The following ABTB2 variants were observed in gnomAD, a reference collection of about 807,000 sequenced individuals.
The protein encoded by ABTB2 is ankyrin repeat and BTB domain containing 2, also known as ankyrin repeat and BTB/POZ domain-containing protein 2.
In ABTB2, 56 loss-of-function variants were observed where a neutral mutation model predicts 104.1. That is an observed-to-expected ratio of 0.54 (90% CI 0.43 to 0.67). ABTB2 has a LOEUF of 0.67. Among genes scored for constraint, ABTB2 ranks in the 30% least tolerant of loss-of-function variants. ABTB2 has a pLI of 0.00. For synonymous variants in ABTB2, 606 were observed against 608.2 expected, an observed-to-expected ratio of 1.00 and a Z score of 0.05; for missense variants, 1,279 against 1,407.7, an observed-to-expected ratio of 0.91 and a Z score of 1.46.
intron 1 of ABTB2, among the ~76,000 whole-genome samples, chr11:34,261,945 C>A (rs538919971): frequency 6.6e-5 from 10 of 152,204 alleles, no homozygotes; most frequent in Non-Finnish European, 1.5e-4. Context: ...ACAGCAGGAC[C>A]TCCAACTTGG....
intron 1 of ABTB2, among the ~76,000 whole-genome samples, chr11:34,337,622 T>C (rs1007740485): frequency 6.6e-6 from 1 of 152,154 alleles, no homozygotes; most frequent in East Asian, 1.9e-4. Context: ...TCATTTCAAC[T>C]ATCTCAAGGC....
At chr11:34,162,452 G>C in intron 10 of ABTB2, 124 bp downstream of exon 10, 1 of 1,065,922 alleles carries the variant, frequency 9.4e-7, no homozygotes, top group Non-Finnish European at 1.3e-6. Context: ...GTGCTCAGCT[G>C]CCCTGGGGCT....
intron 3 of ABTB2, among the ~76,000 whole-genome samples, chr11:34,181,579 C>T (rs1218023573): frequency 6.6e-6 from 1 of 152,226 alleles, no homozygotes; most frequent in East Asian, 1.9e-4. Context: ...AATACAAAGA[C>T]TCAGGCAGAC....
chr11:34,274,892 G>A (rs1366294458), intron 1 of ABTB2, among the ~76,000 whole-genome samples: 1 of 152,112 alleles, frequency 6.6e-6, no homozygotes, highest in Non-Finnish European at 1.5e-5. Flanking sequence ...TCAGGCAGAG[G>A]TTGCCAGCCA....
chr11:34,255,245 C>G (rs1007067197), intron 1 of ABTB2, among the ~76,000 whole-genome samples: 3 of 152,160 alleles, frequency 2.0e-5, no homozygotes, highest in Non-Finnish European at 4.4e-5. Flanking sequence ...TGACCTCTAG[C>G]CTAAGGGCCT....
At chr11:34,260,348 C>G (rs1184701991) in intron 1 of ABTB2, among the ~76,000 whole-genome samples, 1 of 152,190 alleles carries the variant, frequency 6.6e-6, no homozygotes, top group Non-Finnish European at 1.5e-5. Flanking sequence ...CCATCTGATC[C>G]TAGCTGATAA....
intron 3 of ABTB2, among the ~76,000 whole-genome samples, chr11:34,185,684 G>A (rs775082019): frequency 1.3e-5 from 2 of 152,178 alleles, no homozygotes; most frequent in Non-Finnish European, 1.5e-5. Flanking sequence ...CTGGAGTGGG[G>A]TTGGGGGGAG....
intron 1 of ABTB2, among the ~76,000 whole-genome samples, chr11:34,235,842 C>T (rs1393686322): frequency 6.6e-6 from 1 of 152,128 alleles, no homozygotes; most frequent in East Asian, 1.9e-4. Context: ...CTCTTTGTGC[C>T]CCAGGTAAGG....
intron 1 of ABTB2, among the ~76,000 whole-genome samples, chr11:34,214,763 A>G (rs1282639956): frequency 1.3e-5 from 2 of 152,176 alleles, no homozygotes; most frequent in Non-Finnish European, 2.9e-5. Context: ...TCTGCATGGT[A>G]TACTTTTAGA....
intron 1 of ABTB2, among the ~76,000 whole-genome samples, chr11:34,227,048 T>C (rs1853696485): frequency 6.6e-6 from 1 of 152,030 alleles, no homozygotes; most frequent in Non-Finnish European, 1.5e-5. Context: ...AAAAAGACTC[T>C]GTCTCCAAAA....
chr11:34,275,234 C>T (rs1565156849), intron 1 of ABTB2, among the ~76,000 whole-genome samples: 1 of 152,236 alleles, frequency 6.6e-6, no homozygotes, highest in Non-Finnish European at 1.5e-5. Flanking sequence ...CTGACTCCAA[C>T]AGGGCTGAAG....
chr11:34,251,599 G>A (rs1403815248), intron 1 of ABTB2, among the ~76,000 whole-genome samples: 1 of 152,154 alleles, frequency 6.6e-6, no homozygotes, highest in African/African-American at 2.4e-5. Context: ...GTACATGGAG[G>A]GTTCTTTACT....
intron 1 of ABTB2, among the ~76,000 whole-genome samples, chr11:34,290,694 GAAAAAC>G (rs1195537246): frequency 1.3e-5 from 2 of 151,864 alleles, no homozygotes; most frequent in African/African-American, 4.8e-5. Flanking sequence ...AATGAAAAAA[GAAAAAC>G]AAAGAAAGAA....
intron 1 of ABTB2, among the ~76,000 whole-genome samples, chr11:34,282,256 T>G (rs1244167899): frequency 6.6e-6 from 1 of 151,900 alleles, no homozygotes. Context: ...GAATCTGGGG[T>G]GGGGAGGGGA....
At chr11:34,339,416 G>A (rs1189848643) in intron 1 of ABTB2, among the ~76,000 whole-genome samples, 1 of 152,190 alleles carries the variant, frequency 6.6e-6, no homozygotes, top group Non-Finnish European at 1.5e-5. Flanking sequence ...GGCGACCACA[G>A]CACAGATAAC....
chr11:34,220,537 C>T (rs1255908700), intron 1 of ABTB2, among the ~76,000 whole-genome samples: 3 of 152,162 alleles, frequency 2.0e-5, no homozygotes, highest in African/African-American at 4.8e-5. Context: ...CAGCAGCAGC[C>T]ACTGTGTAAC....
intron 1 of ABTB2, among the ~76,000 whole-genome samples, chr11:34,296,582 A>C (rs1216160135): frequency 1.3e-5 from 2 of 152,136 alleles, no homozygotes; most frequent in East Asian, 3.8e-4. Flanking sequence ...TGCCCTGTGG[A>C]TGTTGACATT....
chr11:34,246,832 CT>C (rs999873217), intron 1 of ABTB2, among the ~76,000 whole-genome samples: 1 of 137,784 alleles, frequency 7.3e-6, no homozygotes, highest in Non-Finnish European at 1.5e-5. Context: ...CATTTCTTTT[CT>C]TTTTTTCTTT....
intron 3 of ABTB2, among the ~76,000 whole-genome samples, chr11:34,181,154 C>T (rs2473915): frequency 0.41 from 62,117 of 151,928 alleles, 13,710 homozygotes; most frequent in East Asian, 0.88. Context: ...CTGCCTGCCT[C>T]GGCCTCCCAA....
Sources: allele counts gnomAD v4.1 joint callset (sites outside exome capture counted in the v4.1 genomes callset), GRCh38; gene constraint gnomAD v4.1.1; transcripts MANE v1.5; gene names NCBI Gene and HGNC (gene_info 2026-07-23, HGNC 2026-07-21).